MEF2B: variants seen among roughly 807,000 people sequenced by gnomAD.
The protein encoded by MEF2B is myocyte-specific enhancer factor 2B.
MEF2B carries 15 observed loss-of-function variants against 32.2 expected under a neutral mutation model. That is an observed-to-expected ratio of 0.47 (90% CI 0.31 to 0.72). The LOEUF (loss-of-function observed/expected upper bound fraction) is 0.72. MEF2B is among the 30% of genes least tolerant of loss of function. The pLI is 0.05. For synonymous variants in MEF2B, 205 were observed against 225.6 expected (o/e 0.91, Z 0.82); for missense variants, 441 against 511.5 (o/e 0.86, Z 1.33).
rs1452414750 is a variant in MEF2B at position 19,145,929 on chromosome 19, C to T, written c.975G>A (p.Pro325=). ...PVSIKSERLS[P]APGGPGDFPK... ...GAAAGTCGCCGGGGCCCCCGGGGGC[C>T]GGAGAGAGGCGCTCAGACTTGATGC... Residue 325 remains proline, a synonymous_variant, in exon 9 of 9, where the codon CCG becomes CCA. Coordinates refer to ENST00000424583, the MANE Select transcript of MEF2B (RefSeq NM_001145785.2). The surrounding 1 kb of genome is among the most constrained non-coding windows in gnomAD (Gnocchi z 4.6). The T allele has an allele frequency of 7.0e-7, 1 of 1,429,504 alleles. No homozygotes were observed. The allele number at this position is 1,429,504 out of a possible 1,614,324, so 88.6% of individuals were successfully genotyped here. A position where few individuals can be genotyped will look rare whatever the true frequency, so the allele number is the denominator to read the frequency against.
intron 3 of MEF2B, 33 bp from the exon 4 acceptor site, chr19:19,147,865 T>C (rs770659747): frequency 5.0e-6 from 8 of 1,592,476 alleles, no homozygotes; most frequent in Admixed American, 1.8e-5. Context: ...GGTAGACCCT[T>C]ACCCCTACCC....
At chr19:19,166,580 A>C (rs1227902507) in intron 1 of MEF2B, among the ~76,000 whole-genome samples, 36 of 136,212 alleles carry the variant, frequency 2.6e-4, no homozygotes, top group Admixed American at 1.0e-3. Context: ...ACATAGGGAG[A>C]CCCCCCCATC....
intron 1 of MEF2B, chr19:19,157,396 A>G (rs918760543): frequency 6.6e-6 from 1 of 152,480 alleles, no homozygotes; most frequent in Non-Finnish European, 1.5e-5. Flanking sequence ...TGTTGATTCT[A>G]TGATCAGTTA....
intron 1 of MEF2B, among the ~76,000 whole-genome samples, chr19:19,153,143 G>A (rs923604772): frequency 7.2e-5 from 11 of 152,224 alleles, no homozygotes; most frequent in African/African-American, 2.7e-4. Context: ...AGCAGCAGCA[G>A]GGCTGGGGCT....
chr19:19,162,051 GC>G (rs2060168337), intron 1 of MEF2B, among the ~76,000 whole-genome samples: 2 of 151,988 alleles, frequency 1.3e-5, no homozygotes, highest in African/African-American at 4.8e-5. Flanking sequence ...CATGTGATCT[GC>G]CTACTTCGGC....
rs761470340 is a variant in MEF2B at position 19,147,772 on chromosome 19, C to G, written c.319G>C (p.Glu107Gln). ...GPELEPDEGP[E>Q]EPGEKFRRLA... ...CTCCGAAACTTCTCTCCTGGCTCCT[C>G]AGGCCCTTCATCCGGCTCCAGCTCT... Residue 107 changes from glutamate to glutamine, a missense_variant, in exon 4 of 9, where the codon GAG becomes CAG. By Grantham distance (29) the Glu-to-Gln change is conservative (BLOSUM62 2). Transcript: ENST00000424583. The G allele has an allele frequency of 1.2e-6, 2 of 1,613,954 alleles. No individual in the cohort carries two copies. Among genetic ancestry groups the G allele is most frequent in the Non-Finnish European group, 1.7e-6 (2 of 1,180,020 alleles).
intron 1 of MEF2B, among the ~76,000 whole-genome samples, chr19:19,161,107 G>A (rs1174458719): frequency 2.0e-5 from 3 of 152,050 alleles, no homozygotes; most frequent in African/African-American, 4.8e-5. Context: ...GGGCCACCTC[G>A]CTGAACTGGG....
intron 1 of MEF2B, among the ~76,000 whole-genome samples, chr19:19,163,739 C>T (rs1480020888): frequency 2.0e-5 from 3 of 152,094 alleles, no homozygotes; most frequent in Non-Finnish European, 2.9e-5. Context: ...CTGCAACCTC[C>T]GCCTCCCAGG....
intron 2 of MEF2B, among the ~76,000 whole-genome samples, chr19:19,149,946 G>A (rs563582664): frequency 4.6e-5 from 7 of 151,766 alleles, no homozygotes; most frequent in East Asian, 1.9e-4. Context: ...CTAGCCAGGC[G>A]TGGTGGTGGG....
chr19:19,164,785 G>A (rs2060193785), intron 1 of MEF2B, among the ~76,000 whole-genome samples: 1 of 152,172 alleles, frequency 6.6e-6, no homozygotes. Flanking sequence ...AGACCCCGCA[G>A]TCTGAATTTG....
intron 8 of MEF2B, 42 bp downstream of exon 8, chr19:19,146,231 G>T: frequency 1.1e-6 from 1 of 933,104 alleles, no homozygotes; most frequent in African/African-American, 1.7e-5. Context: ...AGCGGCCGGG[G>T]CTTTGGAGGA....
intron 1 of MEF2B, among the ~76,000 whole-genome samples, chr19:19,163,600 AAAC>A (rs1340419719): frequency 6.6e-6 from 1 of 152,112 alleles, no homozygotes; most frequent in African/African-American, 2.4e-5. Context: ...ATCAACGACC[AAAC>A]AACTGCTTCA....
chr19:19,160,094 G>C (rs578015264), intron 1 of MEF2B, among the ~76,000 whole-genome samples: 2 of 151,360 alleles, frequency 1.3e-5, no homozygotes, highest in Non-Finnish European at 2.9e-5. Context: ...TCAGACTCCC[G>C]AGTAGCTGGG....
chr19:19,156,130 C>A (rs980012552), intron 1 of MEF2B, among the ~76,000 whole-genome samples: 2 of 151,924 alleles, frequency 1.3e-5, no homozygotes, highest in African/African-American at 2.4e-5. Context: ...TTCATTGCAC[C>A]CTCATACTTA....
At position 19,145,979 on chromosome 19, in the gene MEF2B, C is replaced by T. The variant is rs2060021890; in HGVS notation, c.925G>A (p.Ala309Thr). The change falls in exon 9 of 9, where the codon GCC (alanine) becomes ACC (threonine). Residue 309 changes from alanine (A) to threonine (T), a missense_variant. By Grantham distance (58) the Ala-to-Thr change is moderately conservative. Transcript: ENST00000424583. This position sits in a 1 kb window ranked among gnomAD's most constrained non-coding sequence, Gnocchi z 4.6. ...CTGACTGGGGGGGTCGGCGGGGAGGCGCCGCGGGTTGGGGGACCCTCCTCG... is the reference window on the plus strand; with the variant it reads ...CTGACTGGGGGGGTCGGCGGGGAGGTGCCGCGGGTTGGGGGACCCTCCTCG... ...LGEEGPPTRG[A>T]SPPTPPVSIK... is the part of the protein sequence containing the mutation. 4 of 1,431,798 alleles carry T rather than the reference C, an allele frequency of 2.8e-6. No homozygotes were observed. Among genetic ancestry groups the T allele is most frequent in the Non-Finnish European group, 1.8e-6 (2 of 1,095,408 alleles). The allele number at this position is 1,431,798 out of a possible 1,614,324, so 88.7% of individuals were successfully genotyped here. A position where few individuals can be genotyped will look rare whatever the true frequency, so the allele number is the denominator to read the frequency against.
At chr19:19,152,387 AAAAAAGAAAAAGAAAAAG>A (rs753482273) in intron 1 of MEF2B, among the ~76,000 whole-genome samples, 1 of 146,682 alleles carries the variant, frequency 6.8e-6, no homozygotes, top group African/African-American at 2.5e-5. Flanking sequence ...TCTCAAAAAA[AAAAAAGAAAAAGAAAAAG>A]AAAAAGAAAA....
At chr19:19,160,112 G>A (rs1376296406) in intron 1 of MEF2B, among the ~76,000 whole-genome samples, 1 of 151,974 alleles carries the variant, frequency 6.6e-6, no homozygotes, top group Non-Finnish European at 1.5e-5. Flanking sequence ...GGGATTACAG[G>A]TGCACACCAT....
chr19:19,151,892 G>C (rs1008630921), intron 1 of MEF2B, among the ~76,000 whole-genome samples: 1 of 151,822 alleles, frequency 6.6e-6, no homozygotes, highest in African/African-American at 2.4e-5. Context: ...GGAGGCCGAG[G>C]CAGGCAGATC....
intron 1 of MEF2B, among the ~76,000 whole-genome samples, chr19:19,151,416 T>C (rs2060078768): frequency 6.6e-6 from 1 of 152,008 alleles, no homozygotes; most frequent in Non-Finnish European, 1.5e-5. Context: ...AGATGTGAGA[T>C]CGCCCTGGTA....
Sources: gnomAD v4.1 joint callset for allele counts (sites outside exome capture counted in the v4.1 genomes callset) on GRCh38, gnomAD v4.1.1 for gene constraint, Gnocchi (gnomAD v3.1) non-coding constraint, MANE v1.5 for transcripts, NCBI Gene and HGNC (gene_info 2026-07-23, HGNC 2026-07-21) for gene names.